The following ANXA3 variants were observed in gnomAD, a reference collection of about 807,000 sequenced individuals.
ANXA3 encodes the protein 35-alpha calcimedin.
A neutral mutation model predicts 48.8 loss-of-function variants in ANXA3; 46 were observed. That is an observed-to-expected ratio of 0.94 (90% CI 0.74 to 1.21). The LOEUF is 1.21. Ranked by LOEUF, ANXA3 falls within the 50% of genes most tolerant of loss-of-function variation. The pLI, the probability that ANXA3 is intolerant of heterozygous loss-of-function variation, is 0.00. For missense variants in ANXA3, 383 were observed against 378.6 expected (o/e 1.01, Z -0.10); for synonymous variants, 128 against 134.7 (o/e 0.95, Z 0.35).
chr4:78,605,631 GT>G lies in ANXA3; in HGVS notation c.912+1237del, dbSNP rs1723630864. On this transcript the variant is annotated intron_variant, in intron 12 of 12. Coordinates refer to ENST00000264908, the MANE Select transcript of ANXA3 (RefSeq NM_005139.3). ...TTTATCAATCTTTCACAGTATTTTAGTTTTTAAAAAATCTGGTCCCTTCTGT... is the reference window on the plus strand; with the variant it reads ...TTTATCAATCTTTCACAGTATTTTAGTTTTAAAAAATCTGGTCCCTTCTGT... Among the ~76,000 whole-genome samples, 4 of 152,138 alleles carry G rather than the reference GT, an allele frequency of 2.6e-5. No individual in the cohort carries two copies. In the South Asian group the frequency reaches 8.3e-4, roughly 32 times the overall value.
At chr4:78,576,551 C>T (rs945456098) in intron 3 of ANXA3, among the ~76,000 whole-genome samples, 1 of 152,156 alleles carries the variant, frequency 6.6e-6, no homozygotes, top group African/African-American at 2.4e-5. Context: ...TCTGCCTTGT[C>T]CTCCCAAAGT....
At chr4:78,583,286 G>A (rs1290956453) in intron 5 of ANXA3, among the ~76,000 whole-genome samples, 1 of 152,112 alleles carries the variant, frequency 6.6e-6, no homozygotes, top group Non-Finnish European at 1.5e-5. Flanking sequence ...AGGCTGCAGT[G>A]AGCTGTGATT....
chr4:78,574,062 A>G (rs1384742859), intron 3 of ANXA3, among the ~76,000 whole-genome samples: 3 of 152,128 alleles, frequency 2.0e-5, no homozygotes, highest in Non-Finnish European at 4.4e-5. Context: ...TATTAGTCCT[A>G]TCTAACCACC....
In ANXA3 at chr4:78,582,307, A is replaced by G. The variant is rs1160181434; in HGVS notation, c.312+17A>G. The G allele has an allele frequency of 6.5e-7, 1 of 1,542,582 alleles. No individual in the cohort carries two copies. Among genetic ancestry groups the G allele is most frequent in the African/African-American group, 1.4e-5 (1 of 73,318 alleles). On this transcript the variant is annotated intron_variant, in intron 5 of 12. Transcript: ENST00000264908. The stretch of plus-strand genomic sequence containing the variant: ...TCCATGAAGGTATGAGCCCCCCACA[A>G]GCCATTTCTGCCCAGGGTTTGACCA...
rs148222198 is a variant in ANXA3 at position 78,609,726 on chromosome 4, C to G, written c.913-330C>G. Among the ~76,000 whole-genome samples, 595 of 151,980 alleles carry G rather than the reference C, an allele frequency of 3.9e-3. 7 individuals are homozygous for G. Among genetic ancestry groups the G allele is most frequent in the African/African-American group, 0.014 (573 of 41,456 alleles). On this transcript the variant is annotated intron_variant, in intron 12 of 12. Coordinates refer to ENST00000264908, the MANE Select transcript of ANXA3 (RefSeq NM_005139.3). ...TTAAGCCTTTTGAATAGCAAGTGTTCGATAAATATTATTAAAACTAAAATT... is the reference window on the plus strand; with the variant it reads ...TTAAGCCTTTTGAATAGCAAGTGTTGGATAAATATTATTAAAACTAAAATT...
In ANXA3 at chr4:78,565,070, T is replaced by C. The variant is rs1722704070; in HGVS notation, c.16-8110T>C. Among the ~76,000 whole-genome samples, 3 of 149,410 alleles carry C rather than the reference T, an allele frequency of 2.0e-5. No individual in the cohort carries two copies. In the South Asian group the frequency reaches 6.5e-4, roughly 32 times the overall value. ...GTGCAGTAGCACGATCTCAGCTCACTACAACCTCTGCCTCCTGGGTTCAAG... is the reference window on the plus strand; with the variant it reads ...GTGCAGTAGCACGATCTCAGCTCACCACAACCTCTGCCTCCTGGGTTCAAG... On this transcript the variant is annotated intron_variant, in intron 2 of 12. Coordinates refer to ENST00000264908, the MANE Select transcript of ANXA3 (RefSeq NM_005139.3).
chr4:78,591,463 G>A (rs919797467), intron 6 of ANXA3, 81 bp from the exon 7 acceptor site: 3 of 903,434 alleles, frequency 3.3e-6, no homozygotes, highest in Non-Finnish European at 5.4e-6. Flanking sequence ...CTTTGCTAGT[G>A]TTGGCATTTA....
chr4:78,576,795 T>TAAACACC (rs1722964856), intron 3 of ANXA3, among the ~76,000 whole-genome samples: 1 of 152,150 alleles, frequency 6.6e-6, no homozygotes, highest in African/African-American at 2.4e-5. Context: ...ATCATAACGG[T>TAAACACC]GTTTGCATTA....
intron 12 of ANXA3, among the ~76,000 whole-genome samples, chr4:78,607,785 G>T (rs567780140): frequency 5.3e-5 from 8 of 152,288 alleles, no homozygotes; most frequent in African/African-American, 1.9e-4. Context: ...TGGGGTTAGA[G>T]AAATGGGTCT....
intron 2 of ANXA3, among the ~76,000 whole-genome samples, chr4:78,569,563 G>A (rs1220641054): frequency 1.3e-5 from 2 of 152,176 alleles, no homozygotes; most frequent in Non-Finnish European, 2.9e-5. Context: ...CAGCTAAGAA[G>A]GAAATAAAGC....
At chr4:78,596,441 A>G (rs1387436524) in intron 9 of ANXA3, among the ~76,000 whole-genome samples, 1 of 152,244 alleles carries the variant, frequency 6.6e-6, no homozygotes, top group Non-Finnish European at 1.5e-5. Context: ...GGAAGCAACA[A>G]CACCTAGAAA....
intron 2 of ANXA3, among the ~76,000 whole-genome samples, chr4:78,558,542 GT>G (rs764544867): frequency 4.9e-4 from 74 of 152,152 alleles, no homozygotes; most frequent in Non-Finnish European, 9.0e-4. Context: ...TATTACAGTG[GT>G]ATGATCAAGG....
At chr4:78,583,908 C>G (rs1007310042) in intron 5 of ANXA3, among the ~76,000 whole-genome samples, 3 of 152,188 alleles carry the variant, frequency 2.0e-5, no homozygotes, top group African/African-American at 7.2e-5. Flanking sequence ...TTCACAGCAA[C>G]ACCTAGATTA....
intron 2 of ANXA3, among the ~76,000 whole-genome samples, chr4:78,569,376 A>G (rs760736086): frequency 4.6e-5 from 7 of 152,218 alleles, no homozygotes; most frequent in Non-Finnish European, 1.0e-4. Flanking sequence ...AGTATTGATT[A>G]GTAATATAAA....
chr4:78,585,027 T>C (rs1369520702), intron 5 of ANXA3, among the ~76,000 whole-genome samples: 1 of 152,216 alleles, frequency 6.6e-6, no homozygotes, highest in Non-Finnish European at 1.5e-5. Context: ...CCCTGTTGTT[T>C]ACAGTCATTG....
At chr4:78,563,506 AG>A (rs5859637) in intron 2 of ANXA3, among the ~76,000 whole-genome samples, 90,440 of 150,374 alleles carry the variant, frequency 0.6, 28,624 homozygotes, top group Non-Finnish European at 0.72. Flanking sequence ...CTTTTAAAAG[AG>A]GTCTGAGGGA....
intron 3 of ANXA3, among the ~76,000 whole-genome samples, chr4:78,577,422 G>A (rs1173390018): frequency 2.0e-5 from 3 of 152,186 alleles, no homozygotes; most frequent in Non-Finnish European, 4.4e-5. Flanking sequence ...AATGTGCTGA[G>A]TTTCAGATAC....
At chr4:78,606,060 G>T (rs1723639879) in intron 12 of ANXA3, among the ~76,000 whole-genome samples, 1 of 152,254 alleles carries the variant, frequency 6.6e-6, no homozygotes, top group Admixed American at 6.5e-5. Flanking sequence ...AGCTGGGGTT[G>T]GTGAGTGGAG....
At position 78,554,403 on chromosome 4, in the gene ANXA3, T is replaced by C. The variant is rs6848162; in HGVS notation, c.-38-33T>C. On this transcript the variant is annotated intron_variant, in intron 1 of 12. Coordinates refer to ENST00000264908, the MANE Select transcript of ANXA3 (RefSeq NM_005139.3). ...GATTATTGTGTTCTGAATCACATAT[T>C]GATACCATTTACTAATTGTTTTCTT... 640 of 1,376,810 alleles carry C rather than the reference T, an allele frequency of 4.6e-4. 2 individuals are homozygous for C. In the African/African-American group the frequency reaches 8.1e-3, roughly 17 times the overall value. 85.3% of individuals were successfully genotyped at this position (1,376,810 alleles called of 1,614,324 possible).
Sources: allele counts gnomAD v4.1 joint callset (sites outside exome capture counted in the v4.1 genomes callset), GRCh38; gene constraint gnomAD v4.1.1; transcripts MANE v1.5; gene names NCBI Gene and HGNC (gene_info 2026-07-23, HGNC 2026-07-21).